Variants in SCN10A observed in about 807,000 individuals in gnomAD.
The protein encoded by SCN10A is sodium voltage-gated channel alpha subunit 10, also known as sodium channel protein type 10 subunit alpha.
Under a neutral mutation model 170.7 loss-of-function variants are expected in SCN10A, and 162 were observed. The observed-to-expected ratio is 0.95, with a 90% confidence interval of 0.84 to 1.08. SCN10A has a LOEUF of 1.08. Among genes scored for constraint, SCN10A ranks in the 50% least tolerant of loss-of-function variants. The pLI, the probability that SCN10A is intolerant of heterozygous loss-of-function variation, is 0.00. For missense variants in SCN10A, 2,527 were observed against 2,436.9 expected (o/e 1.04, Z -0.78); for synonymous variants, 985 against 904.6 (o/e 1.09, Z -1.59).
At chr3:38,734,877 A>T (rs2063544372) in intron 15 of SCN10A, among the ~76,000 whole-genome samples, 1 of 152,196 alleles carries the variant, frequency 6.6e-6, no homozygotes, top group Non-Finnish European at 1.5e-5. Flanking sequence ...GGATTAGAAA[A>T]GAAGAAATTA....
At chr3:38,760,609 C>A (rs1393112423) in intron 8 of SCN10A, 72 bp downstream of exon 8, 10 of 1,194,050 alleles carry the variant, frequency 8.4e-6, no homozygotes. Context: ...CATCTGTGCC[C>A]ATAATATGCC....
intron 21 of SCN10A, among the ~76,000 whole-genome samples, chr3:38,717,875 C>T (rs1239747737): frequency 6.6e-6 from 1 of 152,228 alleles, no homozygotes; most frequent in Non-Finnish European, 1.5e-5. Context: ...GTGGCCTAGA[C>T]AGTGATAGTG....
intron 24 of SCN10A, among the ~76,000 whole-genome samples, 161 bp downstream of exon 24, chr3:38,710,683 C>T (rs2063263827): frequency 6.6e-6 from 1 of 152,066 alleles, no homozygotes; most frequent in South Asian, 2.1e-4. Flanking sequence ...AAACACTCAA[C>T]AGAGAGCCAG....
intron 1 of SCN10A, among the ~76,000 whole-genome samples, chr3:38,805,421 C>T (rs995299817): frequency 7.9e-5 from 12 of 152,088 alleles, no homozygotes; most frequent in African/African-American, 2.4e-4. Flanking sequence ...TCCATGGCAA[C>T]GTGAGCATGA....
At chr3:38,709,044 G>A (rs2063241966) in intron 25 of SCN10A, among the ~76,000 whole-genome samples, 1 of 152,164 alleles carries the variant, frequency 6.6e-6, no homozygotes, top group Admixed American at 6.5e-5. Flanking sequence ...GGAGGCACAA[G>A]CCTTCCTCCC....
At position 38,697,311 on chromosome 3, in the gene SCN10A, G is replaced by A. The variant is rs372199281; in HGVS notation, c.*38C>T. On this transcript the variant is annotated 3_prime_UTR_variant, in exon 28 of 28. Coordinates refer to ENST00000449082, the MANE Select transcript of SCN10A (RefSeq NM_006514.4). ...AAGAGTTAACACAGAGCAGAAGGAC[G>A]CATCATAACTGAACATATCCAGGCT... 41 of 1,600,528 alleles carry A rather than the reference G, an allele frequency of 2.6e-5. 1 individual carries two copies. The highest frequency in any genetic ancestry group is 8.1e-5 in the African/African-American group (6 of 74,500).
chr3:38,736,410 G>A (rs576154990), intron 15 of SCN10A, among the ~76,000 whole-genome samples: 49 of 110,314 alleles, frequency 4.4e-4, no homozygotes, highest in Non-Finnish European at 8.9e-4. Flanking sequence ...TGTGTGTTGT[G>A]GGATTGATGG....
chr3:38,709,660 G>C (rs71323673), intron 24 of SCN10A, 45 bp from the exon 25 acceptor site: 2 of 1,513,052 alleles, frequency 1.3e-6, no homozygotes, highest in Non-Finnish European at 8.9e-7. Flanking sequence ...GGGTGTCTTA[G>C]TTCAGGTTCA....
rs565954478 is a variant in SCN10A, at chr3:38,800,310, A to G, written c.-32-6268T>C. Among the ~76,000 whole-genome samples the G allele has an allele frequency of 3.3e-5, 5 of 152,276 alleles. No individual in the cohort carries two copies. In the South Asian group the frequency reaches 1.0e-3, roughly 32 times the overall value. ...TGTCACCATCACAGGGGAGAATTGG[A>G]CTAAGATGCAGATTCCTGGACTCCA... On this transcript the variant is annotated intron_variant, in intron 1 of 27. Transcript: ENST00000449082.
chr3:38,771,276 C>G lies in SCN10A; in HGVS notation c.599+3G>C. ...ATGCAGATCTGCATAGAGATATACT[C>G]ACGCCAGGGTAATGACGCTAAAATC... is the stretch of plus-strand genomic sequence containing the variant. On this transcript the variant is annotated splice_donor_region_variant and intron_variant, in intron 5 of 27. Coordinates refer to ENST00000449082, the MANE Select transcript of SCN10A (RefSeq NM_006514.4). The G allele has an allele frequency of 6.2e-7, 1 of 1,613,760 alleles. No homozygotes were observed. The highest frequency in any genetic ancestry group is 8.5e-7 in the Non-Finnish European group (1 of 1,179,760).
intron 26 of SCN10A, among the ~76,000 whole-genome samples, chr3:38,704,246 C>A (rs2063186296): frequency 6.6e-6 from 1 of 152,172 alleles, no homozygotes; most frequent in African/African-American, 2.4e-5. Flanking sequence ...AGAATCAGAC[C>A]AAAGTGGCCT....
At chr3:38,711,638 A>G (rs554713839) in intron 23 of SCN10A, among the ~76,000 whole-genome samples, 1 of 152,360 alleles carries the variant, frequency 6.6e-6, no homozygotes, top group African/African-American at 2.4e-5. Context: ...TGACAAATGT[A>G]TAAGTAATTG....
chr3:38,796,318 T>C (rs1021104737), intron 1 of SCN10A, among the ~76,000 whole-genome samples: 1 of 152,160 alleles, frequency 6.6e-6, no homozygotes, highest in African/African-American at 2.4e-5. Flanking sequence ...TTCTGCCTCC[T>C]TAATATCTTC....
At chr3:38,798,895 T>A (rs2064355745) in intron 1 of SCN10A, among the ~76,000 whole-genome samples, 1 of 150,130 alleles carries the variant, frequency 6.7e-6, no homozygotes, top group Admixed American at 6.7e-5. Flanking sequence ...GTTCAAGTGA[T>A]CCTCCCACCT....
At chr3:38,767,490 G>A (rs2063945588) in intron 5 of SCN10A, among the ~76,000 whole-genome samples, 1 of 151,810 alleles carries the variant, frequency 6.6e-6, no homozygotes, top group African/African-American at 2.4e-5. Context: ...TGATTTCATT[G>A]TTGACCCAAA....
chr3:38,698,328 T>C lies in SCN10A; in HGVS notation c.4892A>G (p.His1631Arg), dbSNP rs771997067. ...GTCGATGCCAGCCTCCCACCTCACA[T>C]GGGGAAAGCTGGACATACCGAAGAT... ...YSIFGMSSFP[H>R]VRWEAGIDDM... is the part of the protein sequence containing the mutation. Residue 1631 changes from histidine to arginine, a missense_variant, in exon 28 of 28, where the codon CAT becomes CGT. Transcript: ENST00000449082. 2.5e-6 allele frequency: 4 copies of C among 1,613,894 alleles called. No individual in the cohort carries two copies. In the East Asian group the frequency reaches 6.7e-5, roughly 27 times the overall value.
At chr3:38,763,207 C>T (rs1312312505) in intron 6 of SCN10A, among the ~76,000 whole-genome samples, 3 of 152,176 alleles carry the variant, frequency 2.0e-5, no homozygotes, top group Non-Finnish European at 2.9e-5. Context: ...TTGCCTGAAT[C>T]CCACAACCAG....
At chr3:38,794,426 A>G (rs1481702580) in intron 1 of SCN10A, among the ~76,000 whole-genome samples, 1 of 152,140 alleles carries the variant, frequency 6.6e-6, no homozygotes, top group African/African-American at 2.4e-5. Flanking sequence ...AGTCTACTTT[A>G]TCTTAAGTCT....
At position 38,793,725 on chromosome 3, in the gene SCN10A, T is replaced by C. The variant is rs1575183770; in HGVS notation, c.270+16A>G. Reference sequence around the variant, plus strand: ...TCCAAGAGCTGAGAGCAGACATTCCTACTAGTAGCTCTTACCCGGTGTGTG... The same window carrying C: ...TCCAAGAGCTGAGAGCAGACATTCCCACTAGTAGCTCTTACCCGGTGTGTG... On this transcript the variant is annotated intron_variant, in intron 2 of 27. Transcript: ENST00000449082. The C allele has an allele frequency of 6.2e-7, 1 of 1,605,620 alleles. No individual in the cohort carries two copies. The highest frequency in any genetic ancestry group is 8.5e-7 in the Non-Finnish European group (1 of 1,173,864).
Sources: gnomAD v4.1 joint callset for allele counts (sites outside exome capture counted in the v4.1 genomes callset) on GRCh38, gnomAD v4.1.1 for gene constraint, MANE v1.5 for transcripts, NCBI Gene and HGNC (gene_info 2026-07-23, HGNC 2026-07-21) for gene names.